Variants in DAB1 observed in about 807,000 individuals in gnomAD.
DAB1 encodes the protein disabled homolog 1.
DAB1 carries 15 observed loss-of-function variants against 64.6 expected under a neutral mutation model. The ratio of observed to expected loss-of-function variants is 0.23; its 90% CI spans 0.16 to 0.36. The LOEUF (loss-of-function observed/expected upper bound fraction) is 0.36, where lower values mean the gene tolerates loss of function less well. Among genes scored for constraint, DAB1 ranks in the 10% least tolerant of loss-of-function variants. DAB1 has a pLI of 1.00. For missense variants in DAB1, 596 were observed against 706.7 expected, an observed-to-expected ratio of 0.84 and a Z score of 1.78; for synonymous variants, 235 against 251.9, an observed-to-expected ratio of 0.93 and a Z score of 0.64.
intron 4 of DAB1, among the ~76,000 whole-genome samples, chr1:58,201,432 A>G (rs1657990960): frequency 6.6e-6 from 1 of 152,212 alleles, no homozygotes; most frequent in Admixed American, 6.5e-5. Context: ...GCTGAATACC[A>G]AAGGTCCATA....
At chr1:57,268,487 A>G (rs1182347355) in intron 2 of DAB1, among the ~76,000 whole-genome samples, 1 of 152,226 alleles carries the variant, frequency 6.6e-6, no homozygotes, top group Non-Finnish European at 1.5e-5. Flanking sequence ...GTCTCAATTC[A>G]TCCAACCCAT....
At position 57,071,360 on chromosome 1, in the gene DAB1, A is replaced by G. The variant is rs1227044642; in HGVS notation, c.558+162T>C. The G allele has an allele frequency of 8.5e-6, 7 of 821,678 alleles. No homozygotes were observed. In the South Asian group the frequency reaches 1.1e-4, roughly 13 times the overall value. 50.9% of individuals were successfully genotyped at this position (821,678 alleles called of 1,614,324 possible). On this transcript the variant is annotated intron_variant, in intron 6 of 14. Transcript: ENST00000371236. ...TGTCTAGAGTTTAAGAGAATAAGGA[A>G]TAATTTCTAATGGCTTGCTTTGGGT...
rs932950282 is a variant in DAB1, at chr1:57,033,107, G to T, written c.724-7064C>A. On this transcript the variant is annotated intron_variant, in intron 9 of 14. Coordinates refer to ENST00000371236, the MANE Select transcript of DAB1 (RefSeq NM_001365792.1). ...TTAGGATGCCTGGGACATGTTAGAGGTTTGAAAAATATTGCTGGATGAAAA... is the reference window on the plus strand; with the variant it reads ...TTAGGATGCCTGGGACATGTTAGAGTTTTGAAAAATATTGCTGGATGAAAA... 2.0e-5 allele frequency among the ~76,000 whole-genome samples: 3 copies of T among 152,144 alleles called. No homozygotes were observed. In the East Asian group the frequency reaches 5.8e-4, roughly 29 times the overall value.
chr1:58,120,730 G>T (rs1652685360), intron 5 of DAB1, among the ~76,000 whole-genome samples: 2 of 152,056 alleles, frequency 1.3e-5, no homozygotes, highest in African/African-American at 2.4e-5. Context: ...CAATGAAGAA[G>T]AACCACGTGT....
intron 4 of DAB1, among the ~76,000 whole-genome samples, chr1:58,327,215 T>C (rs1450934289): frequency 6.6e-6 from 1 of 152,230 alleles, no homozygotes; most frequent in Non-Finnish European, 1.5e-5. Flanking sequence ...CTTTGTTTGA[T>C]AAATCAATGT....
At chr1:57,207,132 C>T (rs1004738340) in intron 2 of DAB1, among the ~76,000 whole-genome samples, 5 of 151,616 alleles carry the variant, frequency 3.3e-5, no homozygotes, top group Admixed American at 2.0e-4. Flanking sequence ...CTGTGCCTGG[C>T]TAATTTTTGT....
intron 3 of DAB1, among the ~76,000 whole-genome samples, chr1:58,493,219 C>T (rs1407886500): frequency 1.3e-5 from 2 of 152,074 alleles, no homozygotes; most frequent in Non-Finnish European, 2.9e-5. Flanking sequence ...TTCAACAGCC[C>T]TTCATGCTAA....
chr1:57,351,145 GA>G lies in DAB1; in HGVS notation c.-136-59980del, dbSNP rs1161214887. 2.0e-5 allele frequency among the ~76,000 whole-genome samples: 3 copies of G among 152,122 alleles called. No homozygotes were observed. In the South Asian group the frequency reaches 6.2e-4, roughly 31 times the overall value. On this transcript the variant is annotated intron_variant, in intron 1 of 14. Transcript: ENST00000371236. ...TGAGAAAATTGTGGTTCAAATCGTT[GA>G]GTCACTTGTTCAAGTTTCAAAAACT... is the stretch of plus-strand genomic sequence containing the variant.
intron 7 of DAB1, among the ~76,000 whole-genome samples, chr1:57,497,076 A>G (rs1207492746): frequency 6.6e-6 from 1 of 152,130 alleles, no homozygotes; most frequent in Non-Finnish European, 1.5e-5. Context: ...GATTCTTTCC[A>G]TATCAGCTTT....
chr1:57,192,725 C>T (rs1664252068), intron 2 of DAB1, among the ~76,000 whole-genome samples: 1 of 152,180 alleles, frequency 6.6e-6, no homozygotes, highest in Admixed American at 6.5e-5. Context: ...CGATGACATG[C>T]AGGTGGGCAG....
intron 1 of DAB1, chr1:57,883,880 A>C (rs1014075435): frequency 6.6e-6 from 1 of 152,218 alleles, no homozygotes; most frequent in Non-Finnish European, 1.5e-5. Flanking sequence ...CAGTTCCAGA[A>C]AGGAAGAGTA....
At chr1:57,402,694 T>C (rs1474082960) in intron 1 of DAB1, among the ~76,000 whole-genome samples, 1 of 152,236 alleles carries the variant, frequency 6.6e-6, no homozygotes, top group Non-Finnish European at 1.5e-5. Context: ...ACTTACATTG[T>C]TAACTCTCTG....
intron 4 of DAB1, among the ~76,000 whole-genome samples, chr1:58,191,929 C>T (rs192623135): frequency 6.6e-6 from 1 of 152,172 alleles, no homozygotes; most frequent in African/African-American, 2.4e-5. Flanking sequence ...AATAAAAATA[C>T]CACTGTGGAG....
At chr1:58,045,935 A>AT (rs61118687) in intron 5 of DAB1, among the ~76,000 whole-genome samples, 3,235 of 145,116 alleles carry the variant, frequency 0.022, 45 homozygotes, top group Middle Eastern at 0.038. Flanking sequence ...AAGATTATCA[A>AT]TTTTTTTTTT....
chr1:58,140,502 T>C (rs1170705141), intron 5 of DAB1, among the ~76,000 whole-genome samples: 2 of 152,118 alleles, frequency 1.3e-5, no homozygotes, highest in Admixed American at 1.3e-4. Flanking sequence ...TTCCCTTTGC[T>C]CATAATCTTC....
At chr1:57,991,885 A>G (rs1290510237) in intron 5 of DAB1, among the ~76,000 whole-genome samples, 1 of 148,086 alleles carries the variant, frequency 6.8e-6, no homozygotes, top group East Asian at 2.0e-4. Context: ...AGGCCAGAGA[A>G]CGCTCTCTAG....
rs1363368134 is a variant in DAB1, at chr1:57,976,969, T to G, written n.388-92807A>C. ...CCACAATAAGATGCCTCTGGTCTCC[T>G]AACACTCATGAAATCAGTTTCCCTT... On this transcript the variant is annotated intron_variant and non_coding_transcript_variant, in intron 5 of 20. Coordinates refer to the DAB1 transcript ENST00000485760. Among the ~76,000 whole-genome samples the G allele has an allele frequency of 2.0e-5, 3 of 152,200 alleles. 1 individual carries two copies. Among genetic ancestry groups the G allele is most frequent in the Non-Finnish European group, 4.4e-5 (3 of 68,030 alleles).
chr1:57,599,449 G>A (rs541724871), intron 7 of DAB1, among the ~76,000 whole-genome samples: 11 of 52,512 alleles, frequency 2.1e-4, no homozygotes, highest in African/African-American at 3.5e-4. Flanking sequence ...GGAAATAGCC[G>A]TTATAATGCA....
At chr1:57,071,226 C>A in intron 6 of DAB1, 165 bp from the exon 7 acceptor site, 1 of 689,298 alleles carries the variant, frequency 1.5e-6, no homozygotes, top group Non-Finnish European at 2.4e-6. Flanking sequence ...ATCCTTAGAG[C>A]CACTCCCACC....
Sources: gnomAD v4.1 joint callset for allele counts (sites outside exome capture counted in the v4.1 genomes callset) on GRCh38, gnomAD v4.1.1 for gene constraint, MANE v1.5 for transcripts, NCBI Gene and HGNC (gene_info 2026-07-23, HGNC 2026-07-21) for gene names.